Variants in SAFB observed in about 807,000 individuals in gnomAD.
SAFB encodes the protein scaffold attachment factor B.
A neutral mutation model predicts 101.6 loss-of-function variants in SAFB; 15 were observed. The observed-to-expected ratio is 0.15, with a 90% CI of 0.10 to 0.23. SAFB has a LOEUF of 0.23. SAFB is among the 10% of genes least tolerant of loss of function. The pLI, the probability that SAFB is intolerant of heterozygous loss-of-function variation, is 1.00. For missense variants in SAFB, 930 were observed against 1,104.1 expected (o/e 0.84, Z 2.23); for synonymous variants, 449 against 407.5 (o/e 1.10, Z -1.23).
intron 15 of SAFB, 77 bp downstream of exon 15, chr19:5,661,885 A>ATTTT: frequency 6.0e-6 from 5 of 833,042 alleles, no homozygotes; most frequent in Non-Finnish European, 8.9e-6. Context: ...TTAGCTTGAG[A>ATTTT]TTTTTTTTTT....
chr19:5,650,191 C>T (rs1436799046), intron 8 of SAFB, among the ~76,000 whole-genome samples: 1 of 152,174 alleles, frequency 6.6e-6, no homozygotes, highest in Admixed American at 6.5e-5. Context: ...GGTGCAGATC[C>T]TTGTGTTGGG....
chr19:5,658,565 C>T (rs191437192), intron 14 of SAFB, among the ~76,000 whole-genome samples: 6 of 152,102 alleles, frequency 3.9e-5, no homozygotes, highest in East Asian at 1.9e-4. Context: ...GTAGGCCAGG[C>T]GCGGTGGCTC....
chr19:5,623,292 G>A lies in SAFB; in HGVS notation c.87G>A (p.Arg29=), dbSNP rs2145376418. The A allele has an allele frequency of 6.2e-7, 1 of 1,613,852 alleles. No individual in the cohort carries two copies. Among genetic ancestry groups the A allele is most frequent in the South Asian group, 1.1e-5 (1 of 91,056 alleles). The change falls in exon 1 of 21, where the codon CGG becomes CGA. Residue 29 remains arginine, a synonymous_variant. Coordinates refer to ENST00000588852, the MANE Select transcript of SAFB (RefSeq NM_001201338.2). ...CCGCCTCGTCAGAGACCGGGACGCG[G>A]CGCCTCAGCGACCTGCGAGTGATCG... ...LSSASSETGT[R]RLSDLRVIDL...
At chr19:5,636,517 A>C (rs1345128661) in intron 2 of SAFB, among the ~76,000 whole-genome samples, 1 of 152,078 alleles carries the variant, frequency 6.6e-6, no homozygotes, top group Non-Finnish European at 1.5e-5. Context: ...TTCTGTTATC[A>C]GTTTGATAGT....
chr19:5,663,920 G>A, intron 15 of SAFB, 102 bp from the exon 16 acceptor site: 2 of 1,299,052 alleles, frequency 1.5e-6, no homozygotes, highest in Non-Finnish European at 2.1e-6. Flanking sequence ...CTTGGTGAAA[G>A]TCATCCTGGT....
At chr19:5,653,088 A>G in intron 9 of SAFB, 27 bp from the exon 10 acceptor site, 3 of 1,612,382 alleles carry the variant, frequency 1.9e-6, no homozygotes, top group Non-Finnish European at 2.5e-6. Context: ...TTCATGTCTG[A>G]GTCATATTTG....
Position 5,661,805 on chromosome 19 carries a change from A to T in SAFB, c.2150A>T (p.Asp717Val). ...RPAVRRPYDL[D>V]RRDDAYWPEA... ...GCGGTGCGGCGGCCCTACGACCTGG[A>T]CCGGTAAGCAGATCCATGCTGCCCT... Residue 717 changes from aspartate to valine, a missense_variant, in exon 15 of 21, where the codon GAC becomes GTC. Asp to Val is a radical substitution (Grantham distance 152, BLOSUM62 -3). Coordinates refer to ENST00000588852, the MANE Select transcript of SAFB (RefSeq NM_001201338.2). 6.5e-7 allele frequency: 1 copy of T among 1,541,622 alleles called. No homozygotes were observed. Among genetic ancestry groups the T allele is most frequent in the Non-Finnish European group, 8.7e-7 (1 of 1,144,426 alleles).
At chr19:5,630,380 A>G (rs1304004043) in intron 2 of SAFB, among the ~76,000 whole-genome samples, 1 of 152,196 alleles carries the variant, frequency 6.6e-6, no homozygotes. Context: ...TCTGTCATTC[A>G]ATTTAATCTG....
At chr19:5,661,925 C>T (rs2054217804) in intron 15 of SAFB, 117 bp downstream of exon 15, 6 of 808,054 alleles carry the variant, frequency 7.4e-6, no homozygotes, top group East Asian at 2.7e-5. Context: ...TGCTTTGTCG[C>T]GGAGGCTGGA....
chr19:5,660,340 A>C (rs1599379488), intron 14 of SAFB, among the ~76,000 whole-genome samples: 31 of 59,820 alleles, frequency 5.2e-4, no homozygotes, highest in East Asian at 1.1e-3. Context: ...CCCTGCACAC[A>C]CCTTTTTTTT....
Position 5,667,386 on chromosome 19 carries a change from T to G in SAFB, c.2493T>G (p.Asp831Glu), listed in dbSNP as rs181988846. ...RDWGDHGRRE[D>E]DRSWQGTADG... is the part of the protein sequence containing the mutation. ...GGGGGGACCATGGCCGAAGAGAGGA[T>G]GACCGGTCATGGCAGGGCACGGCCG... Residue 831 changes from aspartate to glutamate, a missense_variant, in exon 19 of 21, where the codon GAT becomes GAG. Asp to Glu is a conservative substitution (Grantham distance 45). Coordinates refer to ENST00000588852, the MANE Select transcript of SAFB (RefSeq NM_001201338.2). The surrounding 1 kb of genome is among the most constrained non-coding windows in gnomAD (Gnocchi z 4.0). 6.6e-6 allele frequency: 10 copies of G among 1,511,686 alleles called. No homozygotes were observed. In the East Asian group the frequency reaches 2.5e-4, roughly 37 times the overall value. The allele number at this position is 1,511,686 out of a possible 1,614,324, so 93.6% of individuals were successfully genotyped here.
intron 11 of SAFB, among the ~76,000 whole-genome samples, 157 bp downstream of exon 11, chr19:5,653,577 T>C (rs1487871498): frequency 6.6e-6 from 1 of 152,150 alleles, no homozygotes; most frequent in Non-Finnish European, 1.5e-5. Flanking sequence ...GCAATTCTCC[T>C]GCCTCAGCCT....
chr19:5,664,726 A>G (rs781431253), intron 17 of SAFB: 13 of 387,702 alleles, frequency 3.4e-5, no homozygotes, highest in Non-Finnish European at 4.4e-5. Flanking sequence ...GAACCTTGGG[A>G]TGTGACCTGG....
chr19:5,640,931 TC>T (rs372251908), intron 2 of SAFB, among the ~76,000 whole-genome samples: 2 of 136,902 alleles, frequency 1.5e-5, no homozygotes, highest in South Asian at 2.6e-4. Flanking sequence ...TTTTTGTTTT[TC>T]TTTTTTTTTT....
At position 5,623,200 on chromosome 19, in the gene SAFB, C is replaced by A. The variant is rs376312259; in HGVS notation, c.-6C>A. 2 of 1,578,654 alleles carry A rather than the reference C, an allele frequency of 1.3e-6. No individual in the cohort carries two copies. The highest frequency in any genetic ancestry group is 2.3e-5 in the South Asian group (2 of 87,328). Reference sequence around the variant, plus strand: ...GAAAGTGGGCGGCGGAGCCAGGGTCCCTGGAATGGCGGAGACTCTGTCAGG... The same window carrying A: ...GAAAGTGGGCGGCGGAGCCAGGGTCACTGGAATGGCGGAGACTCTGTCAGG... On this transcript the variant is annotated 5_prime_UTR_variant, in exon 1 of 21. Transcript: ENST00000588852.
At chr19:5,655,881 C>T (rs914938838) in intron 13 of SAFB, among the ~76,000 whole-genome samples, 1 of 152,094 alleles carries the variant, frequency 6.6e-6, no homozygotes, top group African/African-American at 2.4e-5. Context: ...GGAAGTGCTT[C>T]ATTTGGGAAC....
intron 13 of SAFB, 112 bp from the exon 14 acceptor site, chr19:5,657,129 T>G: frequency 2.9e-6 from 2 of 698,818 alleles, no homozygotes; most frequent in Non-Finnish European, 4.9e-6. Context: ...GGTCTCAAAT[T>G]CCCAATCTCA....
intron 2 of SAFB, among the ~76,000 whole-genome samples, chr19:5,637,648 G>A (rs1437169284): frequency 6.6e-6 from 1 of 152,012 alleles, no homozygotes; most frequent in Non-Finnish European, 1.5e-5. Flanking sequence ...CCTTGGTGAC[G>A]GGGTCAGACC....
rs181160687 is a variant in SAFB, at chr19:5,635,461, G to A, written c.275-6133G>A. Among the ~76,000 whole-genome samples the A allele has an allele frequency of 2.4e-3, 363 of 152,228 alleles. 7 individuals are homozygous for A. The highest frequency in any genetic ancestry group is 0.024 in the Admixed American group (360 of 15,282). Reference sequence around the variant, plus strand: ...CCTGAGGCACCACCAAGCTGGGAACGTTGGTAACCTCTTAAGAGGACAGTA... The same window carrying A: ...CCTGAGGCACCACCAAGCTGGGAACATTGGTAACCTCTTAAGAGGACAGTA... On this transcript the variant is annotated intron_variant, in intron 2 of 20. Coordinates refer to ENST00000588852, the MANE Select transcript of SAFB (RefSeq NM_001201338.2).
Sources: allele counts gnomAD v4.1 joint callset (sites outside exome capture counted in the v4.1 genomes callset), GRCh38; gene constraint gnomAD v4.1.1; non-coding constraint Gnocchi (gnomAD v3.1); transcripts MANE v1.5; gene names NCBI Gene and HGNC (gene_info 2026-07-23, HGNC 2026-07-21).